Variants in ZMYND11 observed in about 807,000 individuals in gnomAD.
ZMYND11 encodes zinc finger MYND domain-containing protein 11.
A neutral mutation model predicts 84.9 loss-of-function variants in ZMYND11; 9 were observed. The observed-to-expected ratio is 0.11, with a 90% CI of 0.06 to 0.18. The LOEUF (loss-of-function observed/expected upper bound fraction) is 0.18. ZMYND11 is among the 10% of genes least tolerant of loss of function. ZMYND11 has a pLI of 1.00. For missense variants in ZMYND11, 409 were observed against 761.0 expected (o/e 0.54, Z 5.44); for synonymous variants, 250 against 244.1 (o/e 1.02, Z -0.23).
At position 252,104 on chromosome 10, in the gene ZMYND11, T is replaced by TG. The variant is rs1316757357; in HGVS notation, c.1687-242dup. ...GAAACGGGAATGACTCTCACAGAGA[T>TG]GGAAAAAACGGGAGGTGTCAGGTAC... On this transcript the variant is annotated intron_variant, in intron 14 of 14. Coordinates refer to ENST00000381604, the MANE Select transcript of ZMYND11 (RefSeq NM_001370100.5). This position sits in a 1 kb window ranked among gnomAD's most constrained non-coding sequence, Gnocchi z 4.6. Among the ~76,000 whole-genome samples, 3 of 152,050 alleles carry TG rather than the reference T, an allele frequency of 2.0e-5. No individual in the cohort carries two copies. The highest frequency in any genetic ancestry group is 7.3e-5 in the African/African-American group (3 of 41,378).
At chr10:239,961 A>ATGT in intron 7 of ZMYND11, 95 bp from the exon 8 acceptor site, 1 of 1,018,000 alleles carries the variant, frequency 9.8e-7, no homozygotes, top group Non-Finnish European at 1.4e-6. Context: ...GAAATGGTAG[A>ATGT]TGTCTACTTT....
At chr10:173,321 A>G (rs1241376850) in intron 1 of ZMYND11, among the ~76,000 whole-genome samples, 1 of 152,184 alleles carries the variant, frequency 6.6e-6, no homozygotes, top group African/African-American at 2.4e-5. Context: ...TTGTTCTGTC[A>G]AAGATAATGT....
chr10:239,098 G>A (rs1021889889), intron 6 of ZMYND11, among the ~76,000 whole-genome samples: 3 of 152,130 alleles, frequency 2.0e-5, no homozygotes, highest in Non-Finnish European at 2.9e-5. Context: ...GGGTCTCACC[G>A]CCCACACTGG....
intron 1 of ZMYND11, among the ~76,000 whole-genome samples, chr10:175,257 C>T (rs978732042): frequency 6.6e-6 from 1 of 152,156 alleles, no homozygotes; most frequent in Non-Finnish European, 1.5e-5. Flanking sequence ...TTGCTGTGAA[C>T]TTAAAATTGC....
At chr10:211,359 T>C (rs531485748) in intron 3 of ZMYND11, among the ~76,000 whole-genome samples, 1 of 152,284 alleles carries the variant, frequency 6.6e-6, no homozygotes, top group South Asian at 2.1e-4. Context: ...TTTGAGAGTG[T>C]TTTATCATAA....
At chr10:182,334 A>T (rs1280819354) in intron 2 of ZMYND11, among the ~76,000 whole-genome samples, 2 of 152,214 alleles carry the variant, frequency 1.3e-5, no homozygotes, top group African/African-American at 4.8e-5. Flanking sequence ...CTCATTTTGC[A>T]TTATGTATTA....
intron 2 of ZMYND11, among the ~76,000 whole-genome samples, chr10:187,880 A>G (rs1365361505): frequency 6.6e-6 from 1 of 152,240 alleles, no homozygotes; most frequent in Non-Finnish European, 1.5e-5. Flanking sequence ...ATTTTGGCCT[A>G]TCAGCGAAAA....
At chr10:153,956 C>G (rs1554757888) in intron 1 of ZMYND11, among the ~76,000 whole-genome samples, 1 of 152,206 alleles carries the variant, frequency 6.6e-6, no homozygotes, top group East Asian at 1.9e-4. Context: ...GAACATGAGA[C>G]AGCCAGCACT....
At chr10:204,213 A>G (rs1350938622) in intron 2 of ZMYND11, among the ~76,000 whole-genome samples, 6 of 152,270 alleles carry the variant, frequency 3.9e-5, no homozygotes, top group East Asian at 1.9e-4. Flanking sequence ...AGTTGTCCCA[A>G]TGTCCTGCAT....
chr10:200,386 C>T (rs1165281994), intron 2 of ZMYND11, among the ~76,000 whole-genome samples: 1 of 142,878 alleles, frequency 7.0e-6, no homozygotes, highest in African/African-American at 2.6e-5. Context: ...GTATATATAA[C>T]AATATATATT....
chr10:228,572 C>G (rs893231808), intron 4 of ZMYND11, among the ~76,000 whole-genome samples: 1 of 152,232 alleles, frequency 6.6e-6, no homozygotes, highest in East Asian at 1.9e-4. Flanking sequence ...GTAGTACTTA[C>G]ATTGGCTGGA....
At chr10:137,536 A>C (rs1025599228) in intron 1 of ZMYND11, among the ~76,000 whole-genome samples, 6 of 152,230 alleles carry the variant, frequency 3.9e-5, no homozygotes, top group Non-Finnish European at 8.8e-5. Flanking sequence ...TATGGTGTGC[A>C]CAACGTTTTC....
At chr10:194,501 CTA>C (rs1413738038) in intron 2 of ZMYND11, among the ~76,000 whole-genome samples, 56 of 152,280 alleles carry the variant, frequency 3.7e-4, no homozygotes, top group Non-Finnish European at 6.2e-4. Context: ...AATGGCAAAA[CTA>C]TTATCCAAAG....
At position 221,179 on chromosome 10, in the gene ZMYND11, T is replaced by C. The variant is rs752059379; in HGVS notation, c.277-16T>C. 4 of 1,612,030 alleles carry C rather than the reference T, an allele frequency of 2.5e-6. No homozygotes were observed. Among genetic ancestry groups the C allele is most frequent in the South Asian group, 1.1e-5 (1 of 90,724 alleles). ...TGACAAAATGTCATACAAAACTATT[T>C]TGTACTTTTTTGTAGGACTGGGAAA... On this transcript the variant is annotated splice_polypyrimidine_tract_variant and intron_variant, in intron 3 of 14. Coordinates refer to ENST00000381604, the MANE Select transcript of ZMYND11 (RefSeq NM_001370100.5).
chr10:185,122 G>T (rs2130798015), intron 2 of ZMYND11, among the ~76,000 whole-genome samples: 1 of 152,230 alleles, frequency 6.6e-6, no homozygotes, highest in South Asian at 2.1e-4. Flanking sequence ...GCAAATGGGA[G>T]TGTGTAAAAT....
chr10:201,059 G>A (rs1943056860), intron 2 of ZMYND11, among the ~76,000 whole-genome samples: 2 of 151,782 alleles, frequency 1.3e-5, no homozygotes. Context: ...TCTTTTGACA[G>A]CAAGATACTA....
rs538841696 is a variant in ZMYND11, at chr10:173,712, A to G, written c.-19-6282A>G. 1.4e-4 allele frequency among the ~76,000 whole-genome samples: 22 copies of G among 152,240 alleles called. 1 individual carries two copies. The South Asian group carries it at 4.4e-3, about 30-fold the overall frequency. Reference sequence around the variant, plus strand: ...GGTGACAGAGTGAGACCCTGTTTCAAAAATACTAAAAAAAAAATTTTTTTA... The same window carrying G: ...GGTGACAGAGTGAGACCCTGTTTCAGAAATACTAAAAAAAAAATTTTTTTA... On this transcript the variant is annotated intron_variant, in intron 1 of 14. Transcript: ENST00000381604.
intron 1 of ZMYND11, among the ~76,000 whole-genome samples, chr10:168,329 A>G (rs541175376): frequency 5.9e-5 from 9 of 152,254 alleles, no homozygotes; most frequent in African/African-American, 9.6e-5. Flanking sequence ...AATTTAATAT[A>G]TAATGCCAGG....
rs542631855 is a variant in ZMYND11, at chr10:165,042, A to C, written c.-19-14952A>C. 5.9e-5 allele frequency among the ~76,000 whole-genome samples: 9 copies of C among 152,178 alleles called. No homozygotes were observed. In the East Asian group the frequency reaches 1.5e-3, roughly 26 times the overall value. On this transcript the variant is annotated intron_variant, in intron 1 of 14. Coordinates refer to ENST00000381604, the MANE Select transcript of ZMYND11 (RefSeq NM_001370100.5). ...ACCTCTCTTCTGTCTCTTTCCGGCT[A>C]CTTTTCCATCTACCTCCTTTACTTT...
Sources: allele counts gnomAD v4.1 joint callset (sites outside exome capture counted in the v4.1 genomes callset), GRCh38; gene constraint gnomAD v4.1.1; non-coding constraint Gnocchi (gnomAD v3.1); transcripts MANE v1.5; gene names NCBI Gene and HGNC (gene_info 2026-07-23, HGNC 2026-07-21).